The following TBC1D7 variants were observed in gnomAD, a reference collection of about 807,000 sequenced individuals.
TBC1D7 encodes TBC domain family 7.
Under a neutral mutation model 35.3 loss-of-function variants are expected in TBC1D7, and 33 were observed. That is an observed-to-expected ratio of 0.93 (90% CI 0.71 to 1.25). The LOEUF is 1.25. Ranked by LOEUF, TBC1D7 falls within the 50% of genes most tolerant of loss-of-function variation. The pLI is 0.00. For missense variants in TBC1D7, 362 were observed against 365.3 expected (o/e 0.99, Z 0.07); for synonymous variants, 135 against 129.5 (o/e 1.04, Z -0.29).
At chr6:13,323,288 G>A (rs1335601722) in intron 3 of TBC1D7, among the ~76,000 whole-genome samples, 2 of 152,078 alleles carry the variant, frequency 1.3e-5, no homozygotes, top group African/African-American at 4.8e-5. Flanking sequence ...GGGAGGCAGA[G>A]GTTGCAGTGC....
In TBC1D7 at chr6:13,317,016, C is replaced by T. The variant is rs76353904; in HGVS notation, c.382-308G>A. 0.011 allele frequency among the ~76,000 whole-genome samples: 1,729 copies of T among 152,236 alleles called. 47 individuals are homozygous for T. Among genetic ancestry groups the T allele is most frequent in the East Asian group, 0.092 (475 of 5,174 alleles). Reference sequence around the variant, plus strand: ...ATCATAAGCAAGTCACTGACTCTCTCCACCCAAAAATATTCTCAGTACTAG... The same window carrying T: ...ATCATAAGCAAGTCACTGACTCTCTTCACCCAAAAATATTCTCAGTACTAG... On this transcript the variant is annotated intron_variant, in intron 4 of 7. Coordinates refer to ENST00000379300, the MANE Select transcript of TBC1D7 (RefSeq NM_016495.6).
intron 3 of TBC1D7, among the ~76,000 whole-genome samples, chr6:13,324,613 A>T (rs1031798164): frequency 3.3e-5 from 5 of 152,190 alleles, no homozygotes; most frequent in African/African-American, 1.2e-4. Context: ...CTTCTCACTC[A>T]GCCACTCGCA....
At chr6:13,320,165 AG>A (rs1783927014) in intron 4 of TBC1D7, 1 of 152,504 alleles carries the variant, frequency 6.6e-6, no homozygotes, top group Non-Finnish European at 1.5e-5. Flanking sequence ...AAAAAAAGAC[AG>A]AACTGTCCCA....
rs746376163 is a variant in TBC1D7 at position 13,321,107 on chromosome 6, AG to A, written c.194-13del. The A allele has an allele frequency of 3.8e-6, 6 of 1,599,282 alleles. No homozygotes were observed. The highest frequency in any genetic ancestry group is 2.7e-5 in the African/African-American group (2 of 74,448). ...TGGAGGCAAGATTCCTAGAGAGAAC[AG>A]GAAAAACGAAAAAAGGACAAAATAC... is the stretch of plus-strand genomic sequence containing the variant. On this transcript the variant is annotated splice_polypyrimidine_tract_variant and intron_variant, in intron 3 of 7. Coordinates refer to ENST00000379300, the MANE Select transcript of TBC1D7 (RefSeq NM_016495.6).
At chr6:13,317,683 T>C (rs1783732732) in intron 4 of TBC1D7, among the ~76,000 whole-genome samples, 1 of 152,220 alleles carries the variant, frequency 6.6e-6, no homozygotes, top group South Asian at 2.1e-4. Flanking sequence ...ATCTCCTTTC[T>C]TGGACTCCCG....
At chr6:13,305,292 G>T in intron 7 of TBC1D7, 105 bp from the exon 8 acceptor site, 1 of 1,095,684 alleles carries the variant, frequency 9.1e-7, no homozygotes, top group Non-Finnish European at 1.4e-6. Context: ...AGTTTGCACT[G>T]TTTTTCAGAA....
At chr6:13,314,646 T>C (rs1783472839) in intron 5 of TBC1D7, among the ~76,000 whole-genome samples, 1 of 152,194 alleles carries the variant, frequency 6.6e-6, no homozygotes, top group African/African-American at 2.4e-5. Flanking sequence ...AATCAAATTT[T>C]ACTTAGTTGA....
chr6:13,325,343 A>C (rs1181768598), intron 2 of TBC1D7, among the ~76,000 whole-genome samples, 169 bp from the exon 3 acceptor site: 2 of 152,194 alleles, frequency 1.3e-5, no homozygotes, highest in Non-Finnish European at 2.9e-5. Flanking sequence ...TTTCTAGCCC[A>C]AGACTTCTGC....
chr6:13,310,563 G>A (rs1251007755), intron 5 of TBC1D7, among the ~76,000 whole-genome samples: 3 of 151,194 alleles, frequency 2.0e-5, no homozygotes, highest in Non-Finnish European at 4.4e-5. Flanking sequence ...ACTTGAACCT[G>A]GGAGGCAGAG....
intron 4 of TBC1D7, chr6:13,320,527 C>A: frequency 1.9e-6 from 1 of 529,886 alleles, no homozygotes; most frequent in South Asian, 2.8e-5. Context: ...CAAAGCAAAA[C>A]AGATGCTTAA....
At chr6:13,313,989 G>T (rs771588843) in intron 5 of TBC1D7, among the ~76,000 whole-genome samples, 1 of 152,120 alleles carries the variant, frequency 6.6e-6, no homozygotes, top group African/African-American at 2.4e-5. Context: ...TTGGGAGGCC[G>T]AGGGGGCGGA....
chr6:13,325,472 G>C (rs2127544034), intron 2 of TBC1D7, among the ~76,000 whole-genome samples: 1 of 152,250 alleles, frequency 6.6e-6, no homozygotes, highest in South Asian at 2.1e-4. Context: ...GGACCAGCCT[G>C]GCCAACATGG....
intron 3 of TBC1D7, among the ~76,000 whole-genome samples, chr6:13,321,434 C>T (rs1468657844): frequency 6.6e-6 from 1 of 152,218 alleles, no homozygotes; most frequent in Non-Finnish European, 1.5e-5. Context: ...CAGCCTCAGG[C>T]TGCCTTTAGC....
chr6:13,317,925 T>G (rs889430294), intron 4 of TBC1D7, among the ~76,000 whole-genome samples: 1 of 152,266 alleles, frequency 6.6e-6, no homozygotes, highest in Non-Finnish European at 1.5e-5. Flanking sequence ...TAATCCCCAT[T>G]GTGGCAGTAT....
intron 3 of TBC1D7, among the ~76,000 whole-genome samples, chr6:13,321,910 T>C (rs931227001): frequency 2.0e-5 from 3 of 152,100 alleles, no homozygotes; most frequent in Non-Finnish European, 4.4e-5. Flanking sequence ...ATGGTGACAA[T>C]GAATTTTCAT....
At chr6:13,321,172 T>C in intron 3 of TBC1D7, 77 bp from the exon 4 acceptor site, 1 of 1,340,142 alleles carries the variant, frequency 7.5e-7, no homozygotes, top group Non-Finnish European at 1.0e-6. Context: ...TGAAAGAGGA[T>C]GCCGTGAGAA....
intron 3 of TBC1D7, among the ~76,000 whole-genome samples, chr6:13,324,159 G>A (rs972274738): frequency 1.5e-4 from 22 of 150,818 alleles, no homozygotes; most frequent in African/African-American, 5.1e-4. Context: ...ACGGAGTCTC[G>A]CTCTGTCGCC....
intron 5 of TBC1D7, among the ~76,000 whole-genome samples, chr6:13,311,867 CAT>C (rs769298570): frequency 1.5e-4 from 23 of 151,750 alleles, no homozygotes; most frequent in Non-Finnish European, 2.9e-4. Flanking sequence ...TTAAATAAAT[CAT>C]GTGATTTGGC....
chr6:13,315,765 C>T (rs988453892), intron 5 of TBC1D7, among the ~76,000 whole-genome samples: 1 of 152,200 alleles, frequency 6.6e-6, no homozygotes, highest in Non-Finnish European at 1.5e-5. Context: ...ATGTGTTAAA[C>T]AACCATCTAT....
Sources: allele counts gnomAD v4.1 joint callset (sites outside exome capture counted in the v4.1 genomes callset), GRCh38; gene constraint gnomAD v4.1.1; transcripts MANE v1.5; gene names NCBI Gene and HGNC (gene_info 2026-07-23, HGNC 2026-07-21).